Variants in ASNS observed in about 807,000 individuals in gnomAD.
ASNS encodes the protein asparagine synthetase (glutamine-hydrolyzing).
A neutral mutation model predicts 62.6 loss-of-function variants in ASNS; 37 were observed. The observed-to-expected ratio is 0.59, with a 90% CI of 0.45 to 0.78. The LOEUF is 0.78. Ranked by LOEUF, ASNS falls within the 30% of genes least tolerant of loss-of-function variation. The pLI, the probability that ASNS is intolerant of heterozygous loss-of-function variation, is 0.00. For missense variants in ASNS, 520 were observed against 682.4 expected, an observed-to-expected ratio of 0.76 and a Z score of 2.65; for synonymous variants, 207 against 237.9, an observed-to-expected ratio of 0.87 and a Z score of 1.19.
Position 97,858,935 on chromosome 7 carries a change from TCA to T in ASNS, c.692_693del (p.Val231GlufsTer9), listed in dbSNP as rs2115655242. 1 of 1,613,330 alleles carries T rather than the reference TCA, an allele frequency of 6.2e-7. No individual in the cohort carries two copies. The highest frequency in any genetic ancestry group is 8.5e-7 in the Non-Finnish European group (1 of 1,179,858). ...TTAAAAAGGATCCTGAGGTTGTTCT[TCA>T]CAGTTTCTATCTCAAAACCTATAAA... ...KLFPGFEIETVKNNLRILFNN... is the reference protein window; with the variant it reads ...KLFPGFEIETXKNNLRILFNN... On this transcript the variant is annotated frameshift_variant, in exon 6 of 13. Coordinates refer to ENST00000394308, the MANE Select transcript of ASNS (RefSeq NM_001673.5). LOFTEE classifies it high-confidence loss of function.
At chr7:97,893,594 A>G in the ASNS span, among the ~76,000 whole-genome samples, 3 of 152,408 alleles carry the variant, frequency 2.0e-5, no homozygotes, top group East Asian at 5.8e-4. Context: ...ATCAGATAAA[A>G]CAGACTTTAA....
At chr7:97,916,361 G>A in the ASNS span, among the ~76,000 whole-genome samples, 1 of 152,094 alleles carries the variant, frequency 6.6e-6, no homozygotes, top group African/African-American at 2.4e-5. Flanking sequence ...AGCCTGGGCA[G>A]CAAAAGTGAA....
the ASNS span, chr7:97,928,253 G>A: frequency 6.6e-7 from 1 of 1,525,724 alleles, no homozygotes; most frequent in Non-Finnish European, 8.8e-7. Context: ...GGCCATCCCT[G>A]CCTCGGGGCT....
chr7:97,900,374 A>AAC, the ASNS span, among the ~76,000 whole-genome samples: 1 of 150,974 alleles, frequency 6.6e-6, no homozygotes. Flanking sequence ...AAAAAAAAAA[A>AAC]AAAAAAAAAA....
chr7:97,882,789 A>T, the ASNS span, among the ~76,000 whole-genome samples: 1 of 152,180 alleles, frequency 6.6e-6, no homozygotes, highest in East Asian at 1.9e-4. Flanking sequence ...GGAAAAACAA[A>T]TCACAGCCCA....
At chr7:97,876,849 C>T (rs553102350), upstream of ASNS, among the ~76,000 whole-genome samples, 27 of 152,126 alleles carry the variant, frequency 1.8e-4, no homozygotes, top group South Asian at 4.4e-3. Context: ...AGGAAGGCAT[C>T]GAGAGAGGGG....
chr7:97,888,016 T>C, the ASNS span, among the ~76,000 whole-genome samples: 1 of 152,230 alleles, frequency 6.6e-6, no homozygotes, highest in Non-Finnish European at 1.5e-5. Flanking sequence ...CCTCTTTGCC[T>C]AGGCTAGAGT....
the ASNS span, among the ~76,000 whole-genome samples, chr7:97,880,934 T>TTTG: frequency 3.1e-4 from 46 of 150,224 alleles, 1 homozygote; most frequent in African/African-American, 9.3e-4. Flanking sequence ...TGTGTGTGTG[T>TTTG]TTTTGTTTTG....
chr7:97,891,978 G>A, the ASNS span, among the ~76,000 whole-genome samples: 76 of 152,286 alleles, frequency 5.0e-4, 1 homozygote, highest in African/African-American at 1.8e-3. Flanking sequence ...TGGGGGCTCC[G>A]ACCCCACATT....
the ASNS span, among the ~76,000 whole-genome samples, chr7:97,904,760 A>C: frequency 6.6e-6 from 1 of 152,172 alleles, no homozygotes; most frequent in Non-Finnish European, 1.5e-5. Flanking sequence ...GTTTTAATAG[A>C]ATAGAATATA....
At chr7:97,896,680 G>GTATATATATATGTATATATGT in the ASNS span, among the ~76,000 whole-genome samples, 6 of 122,480 alleles carry the variant, frequency 4.9e-5, no homozygotes, top group Non-Finnish European at 8.5e-5. Flanking sequence ...ATGTGTGTGT[G>GTATATATATATGTATATATGT]TATATATATA....
the ASNS span, among the ~76,000 whole-genome samples, chr7:97,895,631 C>T: frequency 6.6e-6 from 1 of 151,608 alleles, no homozygotes. Context: ...CTGTCTCTAC[C>T]AAAAATACAA....
the ASNS span, among the ~76,000 whole-genome samples, chr7:97,904,443 A>G: frequency 1.3e-5 from 2 of 152,162 alleles, no homozygotes; most frequent in Non-Finnish European, 2.9e-5. Flanking sequence ...CTACATCTGC[A>G]GGGAGGTGTG....
the ASNS span, among the ~76,000 whole-genome samples, chr7:97,910,588 T>C: frequency 1.4e-5 from 2 of 146,638 alleles, no homozygotes; most frequent in Non-Finnish European, 3.0e-5. Flanking sequence ...GTCCTTTTAT[T>C]ATGAGACCAC....
At chr7:97,915,495 C>T in the ASNS span, among the ~76,000 whole-genome samples, 1,856 of 152,314 alleles carry the variant, frequency 0.012, 17 homozygotes, top group Middle Eastern at 0.024. Context: ...CCCTGGCCCT[C>T]ACGGTGACCA....
rs1791576056 is a variant in ASNS at position 97,858,753 on chromosome 7, T to C, written c.775+101A>G. The stretch of plus-strand genomic sequence containing the variant: ...ATCCTATAATGAAGGAAAGAGTAAA[T>C]CATACAGTAAATATTTTATAGTAAA... On this transcript the variant is annotated intron_variant, in intron 6 of 12. Coordinates refer to ENST00000394308, the MANE Select transcript of ASNS (RefSeq NM_001673.5). The C allele has an allele frequency of 2.7e-6, 3 of 1,103,442 alleles. No individual in the cohort carries two copies. In the African/African-American group the frequency reaches 4.7e-5, roughly 17 times the overall value. The allele number at this position is 1,103,442 out of a possible 1,614,324, so 68.4% of individuals were successfully genotyped here. A position where few individuals can be genotyped will look rare whatever the true frequency, so the allele number is the denominator to read the frequency against.
chr7:97,921,223 C>T, the ASNS span, among the ~76,000 whole-genome samples: 123 of 152,324 alleles, frequency 8.1e-4, 2 homozygotes, highest in East Asian at 0.022. Flanking sequence ...TGGCTGGACT[C>T]ATGGCTGCCT....
chr7:97,920,011 CTT>C, the ASNS span, among the ~76,000 whole-genome samples: 4 of 143,214 alleles, frequency 2.8e-5, no homozygotes, highest in Non-Finnish European at 4.6e-5. Context: ...CTTGTCCTGA[CTT>C]TTTTTTTTTT....
chr7:97,915,521 A>G, the ASNS span, among the ~76,000 whole-genome samples: 1 of 152,346 alleles, frequency 6.6e-6, no homozygotes, highest in African/African-American at 2.4e-5. Context: ...TTGAAGGGGA[A>G]GGATGACACG....
Sources: gnomAD v4.1 joint callset for allele counts (sites outside exome capture counted in the v4.1 genomes callset) on GRCh38, gnomAD v4.1.1 for gene constraint, MANE v1.5 for transcripts, NCBI Gene and HGNC (gene_info 2026-07-23, HGNC 2026-07-21) for gene names.